TXNDC12: variants seen among roughly 807,000 people sequenced by gnomAD.
TXNDC12 encodes thioredoxin domain-containing protein 12.
Under a neutral mutation model 24.2 loss-of-function variants are expected in TXNDC12, and 22 were observed. The observed-to-expected ratio is 0.91, with a 90% confidence interval of 0.65 to 1.30. The LOEUF (loss-of-function observed/expected upper bound fraction) is 1.30, where lower values mean the gene tolerates loss of function less well. Ranked by LOEUF, TXNDC12 falls within the 50% of genes most tolerant of loss-of-function variation. The pLI is 0.00. For missense variants in TXNDC12, 184 were observed against 205.8 expected (o/e 0.89, Z 0.65); for synonymous variants, 58 against 73.4 (o/e 0.79, Z 1.07).
intron 2 of TXNDC12, among the ~76,000 whole-genome samples, chr1:52,037,579 A>C (rs558569314): frequency 1.1e-4 from 16 of 152,246 alleles, no homozygotes; most frequent in Admixed American, 1.0e-3. Flanking sequence ...AGTATTGTCC[A>C]ACATCAAAAG....
At chr1:52,033,595 T>G in intron 2 of TXNDC12, 1 of 1,613,350 alleles carries the variant, frequency 6.2e-7, no homozygotes, top group Non-Finnish European at 8.5e-7. Context: ...ACGCAATGCC[T>G]TCTCACGGGC....
At chr1:52,048,727 C>A (rs1335283952) in intron 1 of TXNDC12, among the ~76,000 whole-genome samples, 6 of 151,980 alleles carry the variant, frequency 3.9e-5, no homozygotes, top group Non-Finnish European at 8.8e-5. Context: ...TGTGGTGGCG[C>A]ACACCTATAA....
At chr1:52,050,198 C>G (rs1024422036) in intron 1 of TXNDC12, among the ~76,000 whole-genome samples, 4 of 152,206 alleles carry the variant, frequency 2.6e-5, no homozygotes, top group Non-Finnish European at 5.9e-5. Flanking sequence ...AACTTCAGAT[C>G]TGGAAAACTT....
At chr1:52,054,201 T>C (rs1686275642) in intron 1 of TXNDC12, among the ~76,000 whole-genome samples, 4 of 148,870 alleles carry the variant, frequency 2.7e-5, no homozygotes. Context: ...AATCATTCCA[T>C]ACAGTAAGGT....
intron 2 of TXNDC12, chr1:52,033,081 C>G: frequency 6.2e-7 from 1 of 1,607,576 alleles, no homozygotes. Context: ...TGAATAAAGG[C>G]CGGTCCCAGC....
At chr1:52,031,306 C>T (rs181283596) in intron 2 of TXNDC12, among the ~76,000 whole-genome samples, 4,172 of 150,212 alleles carry the variant, frequency 0.028, 95 homozygotes, top group Non-Finnish European at 0.044. Flanking sequence ...ATTACAGGCA[C>T]GTGCCACCAC....
Position 52,027,386 on chromosome 1 carries a change from T to C in TXNDC12, c.212-38A>G, listed in dbSNP as rs749761986. The C allele has an allele frequency of 4.9e-6, 7 of 1,417,184 alleles. No homozygotes were observed. In the South Asian group the frequency reaches 8.1e-5, roughly 16 times the overall value. The allele number at this position is 1,417,184 out of a possible 1,614,324, so 87.8% of individuals were successfully genotyped here. The stretch of plus-strand genomic sequence containing the variant: ...AGATTTTGGAATAGAAGAAAAAACA[T>C]CATTGTCACAACTAAACCTTAACGA... On this transcript the variant is annotated intron_variant, in intron 3 of 6. Coordinates refer to ENST00000371626, the MANE Select transcript of TXNDC12 (RefSeq NM_015913.4).
At chr1:52,052,981 C>T (rs989621517) in intron 1 of TXNDC12, among the ~76,000 whole-genome samples, 3 of 151,768 alleles carry the variant, frequency 2.0e-5, no homozygotes, top group Admixed American at 6.6e-5. Flanking sequence ...CAGTGGCTCC[C>T]GCCTATAATC....
intron 2 of TXNDC12, among the ~76,000 whole-genome samples, chr1:52,038,041 C>T (rs1276150610): frequency 1.3e-5 from 2 of 152,240 alleles, no homozygotes; most frequent in South Asian, 4.1e-4. Context: ...AATCCTCCCA[C>T]CTCAGACTCC....
chr1:52,051,372 A>G (rs941490126), intron 1 of TXNDC12, among the ~76,000 whole-genome samples: 1 of 151,498 alleles, frequency 6.6e-6, no homozygotes, highest in Non-Finnish European at 1.5e-5. Context: ...CAGGCCTCCT[A>G]ATTTATTTAT....
At chr1:52,053,618 C>T (rs1686263220) in intron 1 of TXNDC12, among the ~76,000 whole-genome samples, 1 of 152,112 alleles carries the variant, frequency 6.6e-6, no homozygotes, top group Non-Finnish European at 1.5e-5. Context: ...GAGCCAAGAT[C>T]ATGCCACTGG....
intron 2 of TXNDC12, among the ~76,000 whole-genome samples, chr1:52,039,082 C>G (rs1256480939): frequency 1.1e-5 from 1 of 90,650 alleles, no homozygotes; most frequent in Non-Finnish European, 2.2e-5. Flanking sequence ...GAGCAAGACA[C>G]CGTCTCAAAA....
chr1:52,035,086 A>G (rs930114263), intron 2 of TXNDC12, among the ~76,000 whole-genome samples: 2 of 152,116 alleles, frequency 1.3e-5, no homozygotes, highest in Non-Finnish European at 2.9e-5. Flanking sequence ...TATTTGCTCA[A>G]TCTGGCAACT....
chr1:52,028,013 A>T (rs1340855020), intron 3 of TXNDC12, among the ~76,000 whole-genome samples: 1 of 151,830 alleles, frequency 6.6e-6, no homozygotes, highest in Non-Finnish European at 1.5e-5. Flanking sequence ...TTTTTAGTAG[A>T]GGCGGGGTTT....
In TXNDC12 at chr1:52,033,057, TAGG is replaced by T. The variant is rs1685801330; in HGVS notation, c.159-4430_159-4428del. The stretch of plus-strand genomic sequence containing the variant: ...TCCCCGCCAGGGGCAACGGCTCCTC[TAGG>T]CCCACCAAAGTGAATAAAGGCCGGT... On this transcript the variant is annotated intron_variant, in intron 2 of 6. Coordinates refer to ENST00000371626, the MANE Select transcript of TXNDC12 (RefSeq NM_015913.4). The T allele has an allele frequency of 4.4e-6, 7 of 1,595,326 alleles. No individual in the cohort carries two copies. In the East Asian group the frequency reaches 1.6e-4, roughly 36 times the overall value.
chr1:52,052,740 A>G (rs1686240293), intron 1 of TXNDC12: 2 of 152,270 alleles, frequency 1.3e-5, no homozygotes, highest in South Asian at 4.1e-4. Context: ...GAACAACCAC[A>G]CAAAGCTTAA....
chr1:52,048,522 T>C (rs949175065), intron 1 of TXNDC12, among the ~76,000 whole-genome samples: 7 of 145,746 alleles, frequency 4.8e-5, no homozygotes, highest in African/African-American at 1.5e-4. Flanking sequence ...CTTACAGAAG[T>C]CCAATGCCAA....
At chr1:52,032,138 T>A (rs1685772826) in intron 2 of TXNDC12, 1 of 963,602 alleles carries the variant, frequency 1.0e-6, no homozygotes, top group South Asian at 4.8e-5. Context: ...GAGGAAATAA[T>A]CTAGTAGATA....
chr1:52,044,563 C>G (rs1377689286), intron 1 of TXNDC12, among the ~76,000 whole-genome samples: 1 of 152,102 alleles, frequency 6.6e-6, no homozygotes, highest in African/African-American at 2.4e-5. Context: ...GATTTTGATC[C>G]CTGAGGAATT....
Sources: gnomAD v4.1 joint callset for allele counts (sites outside exome capture counted in the v4.1 genomes callset) on GRCh38, gnomAD v4.1.1 for gene constraint, MANE v1.5 for transcripts, NCBI Gene and HGNC (gene_info 2026-07-23, HGNC 2026-07-21) for gene names.